The following LMNTD1 variants were observed in gnomAD, a reference collection of about 807,000 sequenced individuals.
LMNTD1 encodes lamin tail domain containing 1.
In LMNTD1, 35 loss-of-function variants were observed where a neutral mutation model predicts 50.9. The ratio of observed to expected loss-of-function variants is 0.69; its 90% confidence interval spans 0.53 to 0.91. The LOEUF (loss-of-function observed/expected upper bound fraction) is 0.91, where lower values mean the gene tolerates loss of function less well. Ranked by LOEUF, LMNTD1 falls within the 40% of genes least tolerant of loss-of-function variation. LMNTD1 has a pLI of 0.00. For missense variants in LMNTD1, 470 were observed against 475.5 expected, an observed-to-expected ratio of 0.99 and a Z score of 0.11; for synonymous variants, 153 against 161.9, an observed-to-expected ratio of 0.94 and a Z score of 0.42.
At chr12:25,495,879 A>T (rs935066744) in intron 9 of LMNTD1, among the ~76,000 whole-genome samples, 1 of 152,192 alleles carries the variant, frequency 6.6e-6, no homozygotes, top group Admixed American at 6.5e-5. Context: ...CAAAGGTTAT[A>T]TACTTTCTAA....
At chr12:25,524,633 A>T (rs1941580325) in intron 6 of LMNTD1, among the ~76,000 whole-genome samples, 1 of 150,972 alleles carries the variant, frequency 6.6e-6, no homozygotes, top group African/African-American at 2.5e-5. Context: ...TACAGAGTGG[A>T]TAACTATGAT....
intron 1 of LMNTD1, among the ~76,000 whole-genome samples, chr12:25,635,083 A>G (rs1946800587): frequency 6.6e-6 from 1 of 151,942 alleles, no homozygotes; most frequent in Non-Finnish European, 1.5e-5. Flanking sequence ...TCTACTAAAA[A>G]TACAAAATTA....
In LMNTD1 at chr12:25,538,763, A is replaced by G. The variant is rs1942820688; in HGVS notation, c.491+7611T>C. 1.9e-5 allele frequency among the ~76,000 whole-genome samples: 2 copies of G among 104,686 alleles called. 1 individual carries two copies. Among genetic ancestry groups the G allele is most frequent in the Non-Finnish European group, 4.3e-5 (2 of 46,242 alleles). The allele number at this position is 104,686 out of a possible 152,430, so 68.7% of individuals were successfully genotyped here. A position where few individuals can be genotyped will look rare whatever the true frequency, so the allele number is the denominator to read the frequency against. On this transcript the variant is annotated intron_variant, in intron 4 of 9. Transcript: ENST00000458174. Reference sequence around the variant, plus strand: ...GTAAATGGACTAAATGCCCCAATTAAAAGACACAGACTGGCAAATTGGATA... The same window carrying G: ...GTAAATGGACTAAATGCCCCAATTAGAAGACACAGACTGGCAAATTGGATA...
intron 1 of LMNTD1, among the ~76,000 whole-genome samples, chr12:25,635,154 C>A (rs1317190469): frequency 2.7e-5 from 4 of 150,150 alleles, no homozygotes; most frequent in Non-Finnish European, 4.4e-5. Flanking sequence ...GGGGGAGAAT[C>A]GCTTAAACCC....
chr12:25,478,434 TAAAAG>T (rs1376076363), intron 9 of LMNTD1, among the ~76,000 whole-genome samples: 1 of 152,088 alleles, frequency 6.6e-6, no homozygotes, highest in Non-Finnish European at 1.5e-5. Flanking sequence ...TCTTACATGA[TAAAAG>T]AGAAAGGAAA....
chr12:25,544,393 T>G (rs1198318100), intron 4 of LMNTD1, among the ~76,000 whole-genome samples: 1 of 151,854 alleles, frequency 6.6e-6, no homozygotes, highest in African/African-American at 2.4e-5. Flanking sequence ...CTACTCTTTT[T>G]TGGTTTCCAG....
At chr12:25,571,128 T>C (rs1386521600) in intron 1 of LMNTD1, among the ~76,000 whole-genome samples, 1 of 152,192 alleles carries the variant, frequency 6.6e-6, no homozygotes, top group Non-Finnish European at 1.5e-5. Context: ...GTAAATTCTA[T>C]AACTAGTTCT....
At chr12:25,632,877 C>T (rs1048866970) in intron 1 of LMNTD1, among the ~76,000 whole-genome samples, 1 of 152,080 alleles carries the variant, frequency 6.6e-6, no homozygotes, top group African/African-American at 2.4e-5. Context: ...TACAGAACTA[C>T]AGAATGGATA....
intron 4 of LMNTD1, among the ~76,000 whole-genome samples, chr12:25,535,653 A>G (rs1330879573): frequency 6.6e-6 from 1 of 152,112 alleles, no homozygotes; most frequent in Admixed American, 6.5e-5. Context: ...AAGATCTTGA[A>G]AATATTGAAG....
intron 3 of LMNTD1, among the ~76,000 whole-genome samples, chr12:25,548,856 C>T (rs1344109128): frequency 6.6e-6 from 1 of 151,932 alleles, no homozygotes; most frequent in East Asian, 1.9e-4. Flanking sequence ...TTACCATTTT[C>T]TCTCCATTAT....
chr12:25,616,031 T>C (rs975814076), intron 1 of LMNTD1, among the ~76,000 whole-genome samples: 1 of 151,912 alleles, frequency 6.6e-6, no homozygotes, highest in African/African-American at 2.4e-5. Flanking sequence ...CCTGTCCTCA[T>C]GAAGTCTACT....
intron 8 of LMNTD1, among the ~76,000 whole-genome samples, chr12:25,508,351 T>C (rs756119637): frequency 1.1e-4 from 16 of 152,170 alleles, no homozygotes; most frequent in Non-Finnish European, 2.1e-4. Context: ...TTGTATGTTT[T>C]TGAATTTTAT....
intron 1 of LMNTD1, among the ~76,000 whole-genome samples, chr12:25,595,337 G>A (rs1412310887): frequency 6.6e-6 from 1 of 151,922 alleles, no homozygotes; most frequent in Non-Finnish European, 1.5e-5. Flanking sequence ...GCCACAAAAT[G>A]AGCCTCAACA....
intron 1 of LMNTD1, among the ~76,000 whole-genome samples, chr12:25,588,111 A>G (rs886743424): frequency 6.6e-6 from 1 of 152,192 alleles, no homozygotes; most frequent in African/African-American, 2.4e-5. Flanking sequence ...AGAGATAGTA[A>G]ATGTGAAGTG....
At chr12:25,563,928 G>C (rs11561206) in intron 1 of LMNTD1, among the ~76,000 whole-genome samples, 1 of 152,170 alleles carries the variant, frequency 6.6e-6, no homozygotes, top group Non-Finnish European at 1.5e-5. Context: ...CTCCGTAGGC[G>C]TGGGACCCTC....
intron 4 of LMNTD1, among the ~76,000 whole-genome samples, chr12:25,541,671 CA>C (rs1048635104): frequency 1.1e-4 from 15 of 130,634 alleles, no homozygotes; most frequent in Non-Finnish European, 2.5e-4. Context: ...GCAAGGACTT[CA>C]TGTCTAAAAC....
At chr12:25,643,951 T>C (rs1402674670) in intron 1 of LMNTD1, among the ~76,000 whole-genome samples, 2 of 152,150 alleles carry the variant, frequency 1.3e-5, no homozygotes, top group Non-Finnish European at 2.9e-5. Context: ...CAGTCCAGTA[T>C]TGAGATCAGA....
chr12:25,516,241 A>T, intron 8 of LMNTD1, among the ~76,000 whole-genome samples: 1 of 152,208 alleles, frequency 6.6e-6, no homozygotes, highest in East Asian at 1.9e-4. Flanking sequence ...TGGAAAAAAA[A>T]GTTATGTAAC....
chr12:25,520,141 TATACATATATATATATATATA>T, intron 6 of LMNTD1, 66 bp from the exon 7 acceptor site: 1 of 136,720 alleles, frequency 7.3e-6, no homozygotes, highest in East Asian at 2.1e-4. Context: ...TGTTATGAGA[TATACATATATATATATATATA>T]TATATATATA....
Sources: allele counts gnomAD v4.1 joint callset (sites outside exome capture counted in the v4.1 genomes callset), GRCh38; gene constraint gnomAD v4.1.1; transcripts MANE v1.5; gene names NCBI Gene and HGNC (gene_info 2026-07-23, HGNC 2026-07-21).